Variants in VWA8 observed in about 807,000 individuals in gnomAD.
VWA8 encodes the protein von Willebrand factor A domain containing 8, also known as von Willebrand factor A domain-containing protein 8.
VWA8 carries 221 observed loss-of-function variants against 241.5 expected under a neutral mutation model. The observed-to-expected ratio is 0.91, with a 90% CI of 0.82 to 1.02. The LOEUF (loss-of-function observed/expected upper bound fraction) is 1.02, where lower values mean the gene tolerates loss of function less well. VWA8 is among the 50% of genes least tolerant of loss of function. VWA8 has a pLI of 0.00. For synonymous variants in VWA8, 852 were observed against 827.1 expected (o/e 1.03, Z -0.52); for missense variants, 2,322 against 2,328.7 (o/e 1.00, Z 0.06).
chr13:41,828,159 A>C (rs1479233125), intron 14 of VWA8, among the ~76,000 whole-genome samples: 2 of 152,358 alleles, frequency 1.3e-5, no homozygotes, highest in East Asian at 3.9e-4. Context: ...TGTGTAATCA[A>C]GTGACTTTTT....
At chr13:41,751,501 CT>C (rs1040506862) in intron 21 of VWA8, among the ~76,000 whole-genome samples, 1 of 152,080 alleles carries the variant, frequency 6.6e-6, no homozygotes, top group African/African-American at 2.4e-5. Context: ...TTCAGAAAAG[CT>C]TTTACGTTTT....
At chr13:41,873,773 C>T (rs1008809330) in intron 9 of VWA8, among the ~76,000 whole-genome samples, 170 of 152,318 alleles carry the variant, frequency 1.1e-3, no homozygotes, top group African/African-American at 4.0e-3. Context: ...GAACTGGTAT[C>T]ATTCCTTCTG....
In VWA8 at chr13:41,695,112, A is replaced by AG. The variant is rs538939222; in HGVS notation, c.3565-2141dup. On this transcript the variant is annotated intron_variant, in intron 29 of 44. Transcript: ENST00000379310. ...TAACTGTGGCTTTGGCACTCCTTTA[A>AG]GGGGGGCAGGGAGGAGACGCGAGTG... Among the ~76,000 whole-genome samples the AG allele has an allele frequency of 5.5e-4, 84 of 152,234 alleles. 2 individuals carry two copies. The East Asian group carries it at 0.015, about 27-fold the overall frequency.
At chr13:41,690,321 CTAATAG>C (rs2045167925) in intron 32 of VWA8, 46 bp from the exon 33 acceptor site, 4 of 1,533,142 alleles carry the variant, frequency 2.6e-6, no homozygotes, top group Non-Finnish European at 3.6e-6. Context: ...TTTTCTTTTT[CTAATAG>C]TAATAAGGCC....
chr13:41,838,155 C>T (rs1871827171), intron 12 of VWA8, among the ~76,000 whole-genome samples: 1 of 152,082 alleles, frequency 6.6e-6, no homozygotes, highest in Non-Finnish European at 1.5e-5. Context: ...AGCCTTAAAG[C>T]AATGATATGC....
At chr13:41,746,213 A>G (rs1364999689) in intron 21 of VWA8, among the ~76,000 whole-genome samples, 3 of 152,214 alleles carry the variant, frequency 2.0e-5, no homozygotes, top group Non-Finnish European at 4.4e-5. Flanking sequence ...TTCTCAAACT[A>G]AAAAAGTAAA....
intron 12 of VWA8, among the ~76,000 whole-genome samples, chr13:41,856,168 G>A (rs188190303): frequency 1.3e-4 from 20 of 151,738 alleles, no homozygotes; most frequent in African/African-American, 4.3e-4. Context: ...AAACCCCATC[G>A]CTACTAAAAA....
rs199938365 is a variant in VWA8 at position 41,909,054 on chromosome 13, ATT to A, written c.373-1360_373-1359del. ...TTTATGTACGTAAAGGAGGAAAAAAATTTTTTTTTTTTTTTTTTGAGATAGTC... is the reference window on the plus strand; with the variant it reads ...TTTATGTACGTAAAGGAGGAAAAAAATTTTTTTTTTTTTTTTGAGATAGTC... On this transcript the variant is annotated intron_variant, in intron 3 of 44. Coordinates refer to ENST00000379310, the MANE Select transcript of VWA8 (RefSeq NM_015058.2). 3.9e-3 allele frequency among the ~76,000 whole-genome samples: 552 copies of A among 143,266 alleles called. 1 individual carries two copies. The highest frequency in any genetic ancestry group is 9.0e-3 in the African/African-American group (353 of 39,166). 94.0% of individuals were successfully genotyped at this position (143,266 alleles called of 152,430 possible).
Position 41,670,935 on chromosome 13 carries a change from T to A in VWA8, c.4611+11A>T. On this transcript the variant is annotated intron_variant, in intron 37 of 44. Coordinates refer to ENST00000379310, the MANE Select transcript of VWA8 (RefSeq NM_015058.2). Reference sequence around the variant, plus strand: ...TGCACCTCTAAGAGATAAGGTGAATTCAAATGGTACCTGCATATTTCTGTC... The same window carrying A: ...TGCACCTCTAAGAGATAAGGTGAATACAAATGGTACCTGCATATTTCTGTC... 2 of 1,613,086 alleles carry A rather than the reference T, an allele frequency of 1.2e-6. No homozygotes were observed. Among genetic ancestry groups the A allele is most frequent in the Middle Eastern group, 3.5e-4 (2 of 5,662 alleles).
chr13:41,829,873 G>A (rs990958821), intron 14 of VWA8, among the ~76,000 whole-genome samples: 1 of 151,960 alleles, frequency 6.6e-6, no homozygotes, highest in African/African-American at 2.4e-5. Flanking sequence ...CTCAGAAATC[G>A]CCACTAAAGA....
Position 41,685,119 on chromosome 13 carries a change from G to A in VWA8, c.4255C>T (p.Leu1419Phe), listed in dbSNP as rs2045126613. The stretch of plus-strand genomic sequence containing the variant: ...CTCACTACCTGATTCGTATCTAAAA[G>A]AGTCACACAATTGCTTTGTTTTGGA... ...GTPKQSNCVTLLDTNQVVRIL... is the reference protein window; with the variant it reads ...GTPKQSNCVTFLDTNQVVRIL... The change falls in exon 35 of 45, where the codon CTT becomes TTT. Residue 1419 changes from leucine to phenylalanine, a missense_variant. Physicochemically the swap from Leu to Phe is conservative, Grantham distance 22. Coordinates refer to ENST00000379310, the MANE Select transcript of VWA8 (RefSeq NM_015058.2). 1 of 1,613,586 alleles carries A rather than the reference G, an allele frequency of 6.2e-7. No homozygotes were observed. Among genetic ancestry groups the A allele is most frequent in the Non-Finnish European group, 8.5e-7 (1 of 1,179,730 alleles).
intron 37 of VWA8, among the ~76,000 whole-genome samples, chr13:41,628,308 T>A (rs9594596): frequency 0.033 from 5,042 of 152,246 alleles, 284 homozygotes; most frequent in African/African-American, 0.11. Flanking sequence ...TTTGGAGATT[T>A]CTCAAAGATC....
At chr13:41,742,309 C>G (rs2045575000) in intron 21 of VWA8, among the ~76,000 whole-genome samples, 1 of 152,158 alleles carries the variant, frequency 6.6e-6, no homozygotes. Context: ...AAATGTTTAT[C>G]AAACATCCAC....
chr13:41,651,232 T>C (rs1289329493), intron 37 of VWA8, among the ~76,000 whole-genome samples: 1 of 152,208 alleles, frequency 6.6e-6, no homozygotes, highest in East Asian at 1.9e-4. Context: ...TTTGGTTCCA[T>C]ACAAATTGTA....
At chr13:41,760,850 A>G (rs2045734015) in intron 21 of VWA8, among the ~76,000 whole-genome samples, 1 of 151,924 alleles carries the variant, frequency 6.6e-6, no homozygotes, top group Non-Finnish European at 1.5e-5. Flanking sequence ...CTAACTTAAG[A>G]GCCTTTATGT....
At position 41,887,413 on chromosome 13, in the gene VWA8, C is replaced by T. The variant is rs992651921; in HGVS notation, c.652-52G>A. The T allele has an allele frequency of 3.9e-6, 6 of 1,550,392 alleles. No individual in the cohort carries two copies. The African/African-American group carries it at 8.4e-5, about 22-fold the overall frequency. On this transcript the variant is annotated intron_variant, in intron 5 of 44. Coordinates refer to ENST00000379310, the MANE Select transcript of VWA8 (RefSeq NM_015058.2). ...ATAGCATAAATGATACAAATCACAA[C>T]TGTAAGAGCTGCCAAGTCCAGGGAC... is the stretch of plus-strand genomic sequence containing the variant.
At chr13:41,913,251 G>A (rs1428789281) in intron 2 of VWA8, among the ~76,000 whole-genome samples, 1 of 152,136 alleles carries the variant, frequency 6.6e-6, no homozygotes, top group Non-Finnish European at 1.5e-5. Context: ...AAAACAGCAA[G>A]GGAATTGTAA....
chr13:41,574,626 G>A (rs1248123355), intron 43 of VWA8, among the ~76,000 whole-genome samples: 2 of 152,110 alleles, frequency 1.3e-5, no homozygotes, highest in Non-Finnish European at 2.9e-5. Context: ...GCAATACTAA[G>A]CAAAAGCAGC....
chr13:41,933,862 G>GA (rs980914106), intron 2 of VWA8, among the ~76,000 whole-genome samples: 4 of 151,844 alleles, frequency 2.6e-5, no homozygotes, highest in African/African-American at 9.6e-5. Context: ...ACTACATCTA[G>GA]AAAAAAATGA....
Sources: allele counts gnomAD v4.1 joint callset (sites outside exome capture counted in the v4.1 genomes callset), GRCh38; gene constraint gnomAD v4.1.1; transcripts MANE v1.5; gene names NCBI Gene and HGNC (gene_info 2026-07-23, HGNC 2026-07-21).